PHKA2: variants seen among roughly 807,000 people sequenced by gnomAD.
PHKA2 encodes phosphorylase kinase regulatory subunit alpha 2.
PHKA2 carries 31 observed loss-of-function variants against 102.0 expected under a neutral mutation model. The observed-to-expected ratio is 0.30, with a 90% CI of 0.23 to 0.41. The LOEUF is 0.41. PHKA2 is among the 10% of genes least tolerant of loss of function. PHKA2 has a pLI of 1.00. For missense variants in PHKA2, 858 were observed against 1,023.1 expected, an observed-to-expected ratio of 0.84 and a Z score of 2.20; for synonymous variants, 455 against 416.2, an observed-to-expected ratio of 1.09 and a Z score of -1.13.
intron 1 of PHKA2, among the ~76,000 whole-genome samples, chrX:18,964,071 C>A (rs1051621230): frequency 2.7e-5 from 3 of 111,514 alleles, no homozygotes; most frequent in African/African-American, 9.8e-5. Context: ...AAATCTAAAT[C>A]CCTTTGATTG....
At chrX:18,907,857 G>A in intron 22 of PHKA2, 43 bp downstream of exon 22, 1 of 1,185,403 alleles carries the variant, frequency 8.4e-7, no homozygotes, top group Non-Finnish European at 1.1e-6. Context: ...AAGGGGGCAC[G>A]AGCTAGTGAG....
chrX:18,907,114 A>G lies in PHKA2; in HGVS notation c.2518-17T>C. ...TGTGCAGGCCTGCGCAGTTAAGGGG[A>G]AGGGTGAGAGGCAGAGCGCGAGAGA... On this transcript the variant is annotated splice_polypyrimidine_tract_variant and intron_variant, in intron 22 of 32. Coordinates refer to ENST00000379942, the MANE Select transcript of PHKA2 (RefSeq NM_000292.3). 5 of 1,146,208 alleles carry G rather than the reference A, an allele frequency of 4.4e-6. No homozygotes were observed. Among genetic ancestry groups the G allele is most frequent in the Non-Finnish European group, 5.9e-6 (5 of 849,623 alleles). 94.5% of individuals were successfully genotyped at this position (1,146,208 alleles called of 1,213,427 possible).
rs1039462467 is a variant in PHKA2 at position 18,918,621 on chromosome X, C to T, written c.2137+60G>A. The T allele has an allele frequency of 4.7e-6, 5 of 1,060,863 alleles. No homozygotes were observed. The Admixed American group carries it at 1.1e-4, about 23-fold the overall frequency. The allele number at this position is 1,060,863 out of a possible 1,213,427, so 87.4% of individuals were successfully genotyped here. ...GGATTCTTTGGCTTTTAAATTATGT[C>T]CCTGCATTACTTTGATAAAAGAAGG... On this transcript the variant is annotated intron_variant, in intron 19 of 32. Coordinates refer to ENST00000379942, the MANE Select transcript of PHKA2 (RefSeq NM_000292.3).
At chrX:18,918,967 C>A in intron 18 of PHKA2, 113 bp from the exon 19 acceptor site, 1 of 617,862 alleles carries the variant, frequency 1.6e-6, no homozygotes, top group Non-Finnish European at 2.8e-6. Context: ...CAGATGACAA[C>A]ACTGAGATAT....
At chrX:18,940,509 T>C (rs1453765326) in intron 8 of PHKA2, among the ~76,000 whole-genome samples, 1 of 111,959 alleles carries the variant, frequency 8.9e-6, no homozygotes, top group Non-Finnish European at 1.9e-5. Flanking sequence ...TCCACAAAGA[T>C]TAGCAGAAAG....
Position 18,948,291 on chromosome X carries a change from T to A in PHKA2, c.537+453A>T, listed in dbSNP as rs762959778. On this transcript the variant is annotated intron_variant, in intron 5 of 32. Transcript: ENST00000379942. Reference sequence around the variant, plus strand: ...GAGTTTGAGACCAGCCTGGCCAACATGGTGAAACCCCGTTTCTATTAAAAA... The same window carrying A: ...GAGTTTGAGACCAGCCTGGCCAACAAGGTGAAACCCCGTTTCTATTAAAAA... Among the ~76,000 whole-genome samples the A allele has an allele frequency of 4.6e-3, 507 of 111,073 alleles. 4 individuals are homozygous for A. The highest frequency in any genetic ancestry group is 0.015 in the African/African-American group (455 of 30,533).
chrX:18,926,045 G>A (rs1281089643), intron 14 of PHKA2, among the ~76,000 whole-genome samples: 2 of 112,119 alleles, frequency 1.8e-5, no homozygotes, highest in Non-Finnish European at 3.8e-5. Flanking sequence ...ATTTACTTTC[G>A]ATTTACTTAG....
intron 6 of PHKA2, among the ~76,000 whole-genome samples, chrX:18,944,790 G>A (rs1003203834): frequency 1.6e-4 from 18 of 112,092 alleles, no homozygotes; most frequent in Admixed American, 4.7e-4. Context: ...GACATCACAC[G>A]TGCAGCTTCT....
At chrX:18,961,336 T>C (rs1195924315) in intron 1 of PHKA2, among the ~76,000 whole-genome samples, 1 of 112,316 alleles carries the variant, frequency 8.9e-6, no homozygotes, top group African/African-American at 3.2e-5. Flanking sequence ...GTATTATACA[T>C]AGCTAATACA....
At chrX:18,979,796 T>TTAATAATTAATATTAAATAATTTAATTAA (rs2049144867) in intron 1 of PHKA2, among the ~76,000 whole-genome samples, 2 of 110,433 alleles carry the variant, frequency 1.8e-5, no homozygotes, top group African/African-American at 6.5e-5. Flanking sequence ...AATTTAATAA[T>TTAATAATTAATATTAAATAATTTAATTAA]TAATAATTAA....
At chrX:18,949,788 T>A (rs1210653631) in intron 4 of PHKA2, among the ~76,000 whole-genome samples, 1 of 112,533 alleles carries the variant, frequency 8.9e-6, no homozygotes, top group Non-Finnish European at 1.9e-5. Context: ...TTTCTTTGTA[T>A]TCTGTTATAT....
intron 27 of PHKA2, 134 bp from the exon 28 acceptor site, chrX:18,900,833 C>T (rs1601700784): frequency 1.8e-6 from 1 of 541,843 alleles, no homozygotes; most frequent in African/African-American, 2.3e-5. Context: ...GCATCATGGA[C>T]TCCATTTAGT....
At chrX:18,959,833 G>C (rs914920866) in intron 1 of PHKA2, among the ~76,000 whole-genome samples, 9 of 111,273 alleles carry the variant, frequency 8.1e-5, no homozygotes, top group Admixed American at 1.9e-4. Context: ...ATTACAAGCC[G>C]GTCTTAGTGG....
intron 1 of PHKA2, among the ~76,000 whole-genome samples, chrX:18,957,626 T>C (rs1286098463): frequency 9.1e-6 from 1 of 109,534 alleles, no homozygotes; most frequent in African/African-American, 3.4e-5. Flanking sequence ...TCAGTTGTCT[T>C]TCTTCCTTCT....
chrX:18,902,915 A>G (rs2047724302), intron 26 of PHKA2: 1 of 112,232 alleles, frequency 8.9e-6, no homozygotes, highest in African/African-American at 3.2e-5. Flanking sequence ...TCGTATCTAT[A>G]TTTAATTAGA....
At chrX:18,928,379 G>A (rs750588108) in intron 13 of PHKA2, among the ~76,000 whole-genome samples, 7 of 112,368 alleles carry the variant, frequency 6.2e-5, no homozygotes, top group Non-Finnish European at 1.3e-4. Context: ...TGGCTACAGA[G>A]AAATGCTTGT....
chrX:18,926,704 G>A lies in PHKA2; in HGVS notation c.1325-117C>T. On this transcript the variant is annotated intron_variant, in intron 13 of 32. Transcript: ENST00000379942. The stretch of plus-strand genomic sequence containing the variant: ...CATACACATCAGCATGCTCTTCCAT[G>A]CAATGACTGGCTTTGGAAATGACAG... 6 of 697,759 alleles carry A rather than the reference G, an allele frequency of 8.6e-6. No individual in the cohort carries two copies. In the South Asian group the frequency reaches 1.3e-4, roughly 15 times the overall value. The allele number at this position is 697,759 out of a possible 1,213,427, so 57.5% of individuals were successfully genotyped here.
At chrX:18,901,143 CAG>C (rs1191492546) in intron 27 of PHKA2, among the ~76,000 whole-genome samples, 5 of 110,083 alleles carry the variant, frequency 4.5e-5, no homozygotes, top group African/African-American at 1.0e-4. Context: ...TTGAAGGACA[CAG>C]ATGATTCGGT....
chrX:18,932,139 A>G (rs775999630), intron 11 of PHKA2, among the ~76,000 whole-genome samples: 2 of 112,260 alleles, frequency 1.8e-5, no homozygotes, highest in South Asian at 3.7e-4. Context: ...CGCTGGAGCC[A>G]TCCCTAGGGG....
Sources: gnomAD v4.1 joint callset for allele counts (sites outside exome capture counted in the v4.1 genomes callset) on GRCh38, gnomAD v4.1.1 for gene constraint, MANE v1.5 for transcripts, NCBI Gene and HGNC (gene_info 2026-07-23, HGNC 2026-07-21) for gene names.